TECTA: variants seen among roughly 807,000 people sequenced by gnomAD.
The protein encoded by TECTA is alpha-tectorin.
In TECTA, 128 loss-of-function variants were observed where a neutral mutation model predicts 216.8. That is an observed-to-expected ratio of 0.59 (90% CI 0.51 to 0.68). TECTA has a LOEUF of 0.68. Among genes scored for constraint, TECTA ranks in the 30% least tolerant of loss-of-function variants. TECTA has a pLI of 0.00. For missense variants in TECTA, 2,551 were observed against 2,786.2 expected (o/e 0.92, Z 1.90); for synonymous variants, 1,089 against 1,117.1 (o/e 0.97, Z 0.50).
chr11:121,129,912 T>C lies in TECTA; in HGVS notation c.2642T>C (p.Phe881Ser). The C allele has an allele frequency of 6.2e-7, 1 of 1,613,892 alleles. No homozygotes were observed. Among genetic ancestry groups the C allele is most frequent in the African/African-American group, 1.3e-5 (1 of 75,054 alleles). The change falls in exon 10 of 24, where the codon TTC (phenylalanine) becomes TCC (serine). Residue 881 changes from phenylalanine to serine, a missense_variant. This residue lies in a region of TECTA where 2,375 missense variants were observed against 2,563.9 expected (regional missense o/e 0.93). Transcript: ENST00000392793. ...LAVFLESWTT[F>S]EEICNGECGD... ...GTGTTCCTGGAAAGCTGGACAACTT[T>C]CGAGGAGATCTGCAATGGAGAGTGT... is the stretch of plus-strand genomic sequence containing the variant.
At chr11:121,190,094 A>G in intron 23 of TECTA, 2 of 566,172 alleles carry the variant, frequency 3.5e-6, no homozygotes, top group South Asian at 2.0e-5. Flanking sequence ...TTGCTCTTTC[A>G]TCTAAAATAT....
At chr11:121,156,643 C>CTAT (rs151058274) in intron 13 of TECTA, among the ~76,000 whole-genome samples, 5 of 81,428 alleles carry the variant, frequency 6.1e-5, no homozygotes, top group Non-Finnish European at 1.2e-4. Flanking sequence ...TGCACCTGGC[C>CTAT]TATTATTATT....
At chr11:121,187,730 A>G (rs1947301311) in intron 20 of TECTA, 102 bp from the exon 21 acceptor site, 1 of 1,329,194 alleles carries the variant, frequency 7.5e-7, no homozygotes, top group African/African-American at 1.4e-5. Context: ...TCTGCCATTT[A>G]TGGTGGTTTT....
rs781073607 is a variant in TECTA, at chr11:121,187,961, A to G, written c.6129A>G (p.Ser2043=). ...YDEVHLHCAV[S]LCDSEKYSCK... is the part of the protein sequence containing the mutation. ...AAGTTCACCTTCACTGTGCAGTGTCACTCTGCGACTCAGAAAAGTACTCCT... is the reference window on the plus strand; with the variant it reads ...AAGTTCACCTTCACTGTGCAGTGTCGCTCTGCGACTCAGAAAAGTACTCCT... The change falls in exon 21 of 24, where the codon TCA becomes TCG. Residue 2043 remains serine, a synonymous_variant. Coordinates refer to ENST00000392793, the MANE Select transcript of TECTA (RefSeq NM_005422.4). 3.1e-6 allele frequency: 5 copies of G among 1,614,066 alleles called. No individual in the cohort carries two copies. In the African/African-American group the frequency reaches 6.7e-5, roughly 22 times the overall value.
At chr11:121,183,704 C>T (rs1041250127) in intron 20 of TECTA, among the ~76,000 whole-genome samples, 12 of 152,208 alleles carry the variant, frequency 7.9e-5, no homozygotes, top group East Asian at 3.9e-4. Flanking sequence ...TCCAGCCTGG[C>T]GACAGAGCAA....
intron 12 of TECTA, among the ~76,000 whole-genome samples, chr11:121,151,816 C>G (rs1373462999): frequency 6.6e-6 from 1 of 151,986 alleles, no homozygotes; most frequent in Non-Finnish European, 1.5e-5. Flanking sequence ...ATGAAATAAC[C>G]CCCCATATAG....
At chr11:121,111,396 G>C (rs606916) in intron 4 of TECTA, among the ~76,000 whole-genome samples, 107,977 of 152,158 alleles carry the variant, frequency 0.71, 39,202 homozygotes, top group Non-Finnish European at 0.78. Context: ...GCTGCCTCCT[G>C]CGGGTATTGC....
intron 16 of TECTA, 65 bp from the exon 17 acceptor site, chr11:121,165,208 C>G (rs979543061): frequency 6.7e-7 from 1 of 1,491,370 alleles, no homozygotes; most frequent in Non-Finnish European, 9.2e-7. Flanking sequence ...GGAGTGGAAC[C>G]AAAAGCTACC....
Position 121,127,791 on chromosome 11 carries a change from T to G in TECTA, c.1814T>G (p.Val605Gly), listed in dbSNP as rs149372138. Residue 605 changes from valine (V) to glycine (G), a missense_variant, in exon 9 of 24, where the codon GTG becomes GGG. Physicochemically the swap from Val to Gly is moderately radical, Grantham distance 109. Around this residue, in one of 3 missense-constraint regions of TECTA, gnomAD observed 2,375 missense variants for 2,563.9 expected, o/e 0.93. Transcript: ENST00000392793. This position sits in a 1 kb window ranked among gnomAD's most constrained non-coding sequence, Gnocchi z 5.0. Reference sequence around the variant, plus strand: ...TGCCCGAGCTTCAGCCACTACTCCGTGTGCACAAGCAGCTGCCCCGACACA... The same window carrying G: ...TGCCCGAGCTTCAGCCACTACTCCGGGTGCACAAGCAGCTGCCCCGACACA... ...VQCPSFSHYS[V>G]CTSSCPDTCS... 3.1e-6 allele frequency: 5 copies of G among 1,614,064 alleles called. No individual in the cohort carries two copies. Among genetic ancestry groups the G allele is most frequent in the Non-Finnish European group, 3.4e-6 (4 of 1,180,038 alleles).
intron 3 of TECTA, among the ~76,000 whole-genome samples, chr11:121,106,872 T>A (rs926638029): frequency 1.3e-5 from 2 of 152,182 alleles, no homozygotes; most frequent in Admixed American, 1.3e-4. Flanking sequence ...ATTAGCAATG[T>A]CATTTCTCAG....
rs778470648 is a variant in TECTA, at chr11:121,113,752, G to A, written c.790+34G>A. Reference sequence around the variant, plus strand: ...TTTCCTCTGTCTGTGGCAAGGCAGGGTTTGTTTAGTGTAGATTGACAGGCA... The same window carrying A: ...TTTCCTCTGTCTGTGGCAAGGCAGGATTTGTTTAGTGTAGATTGACAGGCA... On this transcript the variant is annotated intron_variant, in intron 6 of 23. Coordinates refer to ENST00000392793, the MANE Select transcript of TECTA (RefSeq NM_005422.4). The surrounding 1 kb of genome is among the most constrained non-coding windows in gnomAD (Gnocchi z 4.2). The A allele has an allele frequency of 8.7e-6, 14 of 1,611,426 alleles. No homozygotes were observed. The highest frequency in any genetic ancestry group is 1.2e-5 in the Non-Finnish European group (14 of 1,179,644).
At position 121,191,025 on chromosome 11, in the gene TECTA, A is replaced by G. The variant is rs2134218932; in HGVS notation, c.*219A>G. 1 of 465,962 alleles carries G rather than the reference A, an allele frequency of 2.1e-6. No individual in the cohort carries two copies. Among genetic ancestry groups the G allele is most frequent in the Middle Eastern group, 6.5e-4 (1 of 1,548 alleles). 28.9% of individuals were successfully genotyped at this position (465,962 alleles called of 1,614,324 possible). On this transcript the variant is annotated 3_prime_UTR_variant, in exon 24 of 24. Transcript: ENST00000392793. ...CTTCTACAAGCCAGTTATGGAAAGT[A>G]TCTCTCTTGTGTAAAATTCCCAAAC...
Position 121,109,378 on chromosome 11 carries a change from G to A in TECTA, c.366G>A (p.Leu122=). ...YYRETMEPAI[L]KRATKDIRKY... Reference sequence around the variant, plus strand: ...GAGAGACCATGGAGCCTGCCATCTTGAAAAGAGCCACCAAGGACATCAGGA... The same window carrying A: ...GAGAGACCATGGAGCCTGCCATCTTAAAAAGAGCCACCAAGGACATCAGGA... Residue 122 remains leucine (L), a synonymous_variant, in exon 4 of 24, where the codon TTG becomes TTA. Transcript: ENST00000392793. 1 of 1,614,186 alleles carries A rather than the reference G, an allele frequency of 6.2e-7. No homozygotes were observed. Among genetic ancestry groups the A allele is most frequent in the Non-Finnish European group, 8.5e-7 (1 of 1,180,032 alleles).
chr11:121,189,610 G>A (rs572291944), intron 22 of TECTA, among the ~76,000 whole-genome samples, 154 bp from the exon 23 acceptor site: 36 of 152,254 alleles, frequency 2.4e-4, no homozygotes, highest in Admixed American at 1.4e-3. Flanking sequence ...TCCTGACCGC[G>A]TGATCCACCC....
Position 121,118,702 on chromosome 11 carries a change from G to C in TECTA, c.1187G>C (p.Ser396Thr). The stretch of plus-strand genomic sequence containing the variant: ...TACAAGATTCTCATCCCCAAAGGAA[G>C]CTATGGAAGAGTCAAGGTGAGCCCC... ...NGYKILIPKG[S>T]YGRVKVNDLV... Residue 396 changes from serine (S) to threonine (T), a missense_variant, in exon 7 of 24, where the codon AGC (serine) becomes ACC (threonine). Ser to Thr is a moderately conservative substitution (Grantham distance 58, BLOSUM62 1). Coordinates refer to ENST00000392793, the MANE Select transcript of TECTA (RefSeq NM_005422.4). 1 of 1,613,838 alleles carries C rather than the reference G, an allele frequency of 6.2e-7. No homozygotes were observed. The highest frequency in any genetic ancestry group is 8.5e-7 in the Non-Finnish European group (1 of 1,180,036).
At chr11:121,144,648 G>T (rs940547286) in intron 11 of TECTA, among the ~76,000 whole-genome samples, 1 of 152,210 alleles carries the variant, frequency 6.6e-6, no homozygotes, top group Non-Finnish European at 1.5e-5. Flanking sequence ...CAAGGGCAGT[G>T]CAGTCCTGGA....
At position 121,109,561 on chromosome 11, in the gene TECTA, G is replaced by A. The variant is rs77546214; in HGVS notation, c.486+63G>A. On this transcript the variant is annotated intron_variant, in intron 4 of 23. Coordinates refer to ENST00000392793, the MANE Select transcript of TECTA (RefSeq NM_005422.4). ...TGACATCTAATTCTTGTCCATCTTC[G>A]CTACCACGAAGGAGTCTAATTATTA... The A allele has an allele frequency of 5.2e-4, 836 of 1,593,944 alleles. 6 individuals carry two copies. In the African/African-American group the frequency reaches 9.3e-3, roughly 18 times the overall value.
chr11:121,182,487 T>A (rs1415077427), intron 20 of TECTA, among the ~76,000 whole-genome samples: 2 of 152,174 alleles, frequency 1.3e-5, no homozygotes, highest in Non-Finnish European at 2.9e-5. Context: ...GGGCAATCCA[T>A]AAGCCTCCAG....
chr11:121,153,000 G>A lies in TECTA; in HGVS notation c.4225G>A (p.Asp1409Asn), dbSNP rs375984509. Reference protein sequence around the residue: ...SHYCVEGCHCDAGYVLNGKSC... With the variant: ...SHYCVEGCHCNAGYVLNGKSC... Reference sequence around the variant, plus strand: ...CTACTGCGTGGAGGGCTGTCACTGCGACGCTGGCTACGTCCTCAACGGCAA... The same window carrying A: ...CTACTGCGTGGAGGGCTGTCACTGCAACGCTGGCTACGTCCTCAACGGCAA... The change falls in exon 13 of 24, where the codon GAC becomes AAC. Residue 1409 changes from aspartate (D) to asparagine (N), a missense_variant. By Grantham distance (23) the Asp-to-Asn change is conservative. Transcript: ENST00000392793. The A allele has an allele frequency of 1.9e-6, 3 of 1,614,178 alleles. No homozygotes were observed. The highest frequency in any genetic ancestry group is 1.7e-5 in the Admixed American group (1 of 60,030).
Sources: gnomAD v4.1 joint callset for allele counts (sites outside exome capture counted in the v4.1 genomes callset) on GRCh38, gnomAD v4.1.1 for gene constraint, gnomAD v4.1.1 regional missense constraint, Gnocchi (gnomAD v3.1) non-coding constraint, MANE v1.5 for transcripts, NCBI Gene and HGNC (gene_info 2026-07-23, HGNC 2026-07-21) for gene names.